Variants in PHLPP1 observed in about 807,000 individuals in gnomAD.
PHLPP1 encodes the protein PH domain leucine-rich repeat-containing protein phosphatase 1.
Under a neutral mutation model 117.2 loss-of-function variants are expected in PHLPP1, and 42 were observed. That is an observed-to-expected ratio of 0.36 (90% CI 0.28 to 0.46). PHLPP1 has a LOEUF of 0.46. Among genes scored for constraint, PHLPP1 ranks in the 20% least tolerant of loss-of-function variants. The probability of loss-of-function intolerance (pLI) is 1.00; values close to 1 mark genes in which losing one functional copy is unlikely to be tolerated. For missense variants in PHLPP1, 2,084 were observed against 2,241.9 expected (o/e 0.93, Z 1.42); for synonymous variants, 1,042 against 970.7 (o/e 1.07, Z -1.37).
chr18:62,734,549 TGAC>T (rs1173478631), intron 1 of PHLPP1, among the ~76,000 whole-genome samples: 2 of 152,214 alleles, frequency 1.3e-5, no homozygotes, highest in African/African-American at 4.8e-5. Flanking sequence ...GTAATGTGGA[TGAC>T]AACACTGGAA....
intron 1 of PHLPP1, among the ~76,000 whole-genome samples, chr18:62,727,383 A>C (rs1174624333): frequency 1.3e-5 from 2 of 152,018 alleles, no homozygotes; most frequent in Non-Finnish European, 2.9e-5. Context: ...CCAAGGCAGG[A>C]GAATCATTTG....
At chr18:62,963,523 C>T in intron 14 of PHLPP1, 51 bp downstream of exon 14, 2 of 1,156,982 alleles carry the variant, frequency 1.7e-6, no homozygotes, top group South Asian at 1.3e-5. Context: ...CTGTCTCACT[C>T]CTTTAGTTGG....
At position 62,919,976 on chromosome 18, in the gene PHLPP1, G is replaced by A; in HGVS notation, c.2822G>A (p.Ser941Asn). The change falls in exon 10 of 17, where the codon AGT becomes AAT. Residue 941 changes from serine (S) to asparagine (N), a missense_variant. Coordinates refer to ENST00000262719, the MANE Select transcript of PHLPP1 (RefSeq NM_194449.4). ...ELPARLFCNS[S>N]LRKLLAGHNQ... ...TTATACAGCTTATTTTGTAATAGCA[G>A]TCTCCGGAAACTACTGGCAGGACAC... 1 of 1,600,502 alleles carries A rather than the reference G, an allele frequency of 6.2e-7. No homozygotes were observed. The highest frequency in any genetic ancestry group is 8.5e-7 in the Non-Finnish European group (1 of 1,172,772).
At chr18:62,720,649 C>T (rs939960657) in intron 1 of PHLPP1, among the ~76,000 whole-genome samples, 2 of 152,034 alleles carry the variant, frequency 1.3e-5, no homozygotes, top group Non-Finnish European at 2.9e-5. Flanking sequence ...GCGGTTCGAA[C>T]GTGTGACACC....
At chr18:62,804,201 A>G (rs572901086) in intron 1 of PHLPP1, among the ~76,000 whole-genome samples, 1 of 152,140 alleles carries the variant, frequency 6.6e-6, no homozygotes, top group Non-Finnish European at 1.5e-5. Flanking sequence ...AAACCATCAG[A>G]TCTCATGAGA....
At chr18:62,819,895 C>A (rs1914399370) in intron 1 of PHLPP1, among the ~76,000 whole-genome samples, 1 of 152,196 alleles carries the variant, frequency 6.6e-6, no homozygotes, top group Non-Finnish European at 1.5e-5. Context: ...GTGATCCACC[C>A]ACCTTGGCCT....
In PHLPP1 at chr18:62,964,965, A is replaced by G. The variant is rs192372753; in HGVS notation, c.3560+1493A>G. ...GTGTCACATAGTACCATTTGTGTACAGCAAAGTGCACTGCAACCCTTTGAA... is the reference window on the plus strand; with the variant it reads ...GTGTCACATAGTACCATTTGTGTACGGCAAAGTGCACTGCAACCCTTTGAA... On this transcript the variant is annotated intron_variant, in intron 14 of 16. Coordinates refer to ENST00000262719, the MANE Select transcript of PHLPP1 (RefSeq NM_194449.4). Among the ~76,000 whole-genome samples the G allele has an allele frequency of 1.3e-4, 20 of 152,306 alleles. No homozygotes were observed. In the South Asian group the frequency reaches 2.7e-3, roughly 21 times the overall value.
At chr18:62,842,551 A>G (rs1915080885) in intron 3 of PHLPP1, among the ~76,000 whole-genome samples, 1 of 151,752 alleles carries the variant, frequency 6.6e-6, no homozygotes. Flanking sequence ...TTTAGTAGAA[A>G]CGGGATTTCA....
intron 12 of PHLPP1, among the ~76,000 whole-genome samples, chr18:62,954,519 G>GA (rs1380883106): frequency 6.6e-6 from 1 of 152,136 alleles, no homozygotes; most frequent in African/African-American, 2.4e-5. Context: ...GAGGACTATT[G>GA]AAAGAACATG....
chr18:62,785,546 TG>T (rs1287983905), intron 1 of PHLPP1, among the ~76,000 whole-genome samples: 2 of 152,214 alleles, frequency 1.3e-5, no homozygotes, highest in Non-Finnish European at 2.9e-5. Context: ...AACATCCTTC[TG>T]GGGAGAAGAA....
At chr18:62,842,476 C>T (rs1271882457) in intron 3 of PHLPP1, among the ~76,000 whole-genome samples, 1 of 152,076 alleles carries the variant, frequency 6.6e-6, no homozygotes, top group Non-Finnish European at 1.5e-5. Flanking sequence ...CAATTCCCAC[C>T]TCAGCCTCCT....
intron 10 of PHLPP1, among the ~76,000 whole-genome samples, chr18:62,927,130 T>G (rs536506360): frequency 1.3e-5 from 2 of 152,130 alleles, no homozygotes; most frequent in Non-Finnish European, 2.9e-5. Flanking sequence ...TGGGGAAAAC[T>G]AAAGGTTCTA....
At position 62,930,464 on chromosome 18, in the gene PHLPP1, T is replaced by TAA. The variant is rs34518939; in HGVS notation, c.2960+10358_2960+10359dup. 1.3e-3 allele frequency among the ~76,000 whole-genome samples: 200 copies of TAA among 151,398 alleles called. 1 individual carries two copies. Among genetic ancestry groups the TAA allele is most frequent in the African/African-American group, 3.4e-3 (139 of 41,286 alleles). On this transcript the variant is annotated intron_variant, in intron 10 of 16. Coordinates refer to ENST00000262719, the MANE Select transcript of PHLPP1 (RefSeq NM_194449.4). ...AAAACAGACTTTAAACCAACAACAGTAAAAAAAAATTGCATTATATAATAA... is the reference window on the plus strand; with the variant it reads ...AAAACAGACTTTAAACCAACAACAGTAAAAAAAAAAATTGCATTATATAATAA...
At chr18:62,809,811 A>T (rs1020232896) in intron 1 of PHLPP1, among the ~76,000 whole-genome samples, 5 of 152,160 alleles carry the variant, frequency 3.3e-5, no homozygotes, top group African/African-American at 1.2e-4. Context: ...GGTTAAATGA[A>T]TGTTTGCCAA....
At chr18:62,765,100 A>G (rs972426850) in intron 1 of PHLPP1, among the ~76,000 whole-genome samples, 4 of 152,162 alleles carry the variant, frequency 2.6e-5, no homozygotes, top group African/African-American at 9.7e-5. Context: ...ATATCCTCCA[A>G]GTCACTCAGG....
At chr18:62,760,429 G>A (rs1347760251) in intron 1 of PHLPP1, among the ~76,000 whole-genome samples, 1 of 152,158 alleles carries the variant, frequency 6.6e-6, no homozygotes, top group African/African-American at 2.4e-5. Context: ...ATTCGATTAG[G>A]TTTTCTACCT....
chr18:62,736,633 A>G (rs1911377117), intron 1 of PHLPP1, among the ~76,000 whole-genome samples: 1 of 152,234 alleles, frequency 6.6e-6, no homozygotes, highest in Admixed American at 6.5e-5. Flanking sequence ...AATGAATGAA[A>G]GTGTGTCCTC....
chr18:62,951,271 G>T (rs543993067), intron 12 of PHLPP1, among the ~76,000 whole-genome samples: 2 of 151,666 alleles, frequency 1.3e-5, no homozygotes, highest in African/African-American at 4.8e-5. Flanking sequence ...GTGAGCCACC[G>T]CGCCTGGCCA....
chr18:62,898,751 T>G (rs574166630), intron 6 of PHLPP1, among the ~76,000 whole-genome samples: 15 of 152,276 alleles, frequency 9.9e-5, no homozygotes, highest in African/African-American at 3.4e-4. Context: ...ACGAGTTGAT[T>G]CTTGCTGTAC....
Sources: allele counts gnomAD v4.1 joint callset (sites outside exome capture counted in the v4.1 genomes callset), GRCh38; gene constraint gnomAD v4.1.1; transcripts MANE v1.5; gene names NCBI Gene and HGNC (gene_info 2026-07-23, HGNC 2026-07-21).